ADGRL3: variants seen among roughly 807,000 people sequenced by gnomAD.
The protein encoded by ADGRL3 is adhesion G protein-coupled receptor L3.
ADGRL3 carries 62 observed loss-of-function variants against 153.5 expected under a neutral mutation model. The ratio of observed to expected loss-of-function variants is 0.40; its 90% confidence interval spans 0.33 to 0.50. The LOEUF (loss-of-function observed/expected upper bound fraction) is 0.50, where lower values mean the gene tolerates loss of function less well. Ranked by LOEUF, ADGRL3 falls within the 20% of genes least tolerant of loss-of-function variation. ADGRL3 has a pLI of 0.47. For synonymous variants in ADGRL3, 710 were observed against 672.5 expected (o/e 1.06, Z -0.86); for missense variants, 1,641 against 1,859.4 (o/e 0.88, Z 2.16).
intron 8 of ADGRL3, among the ~76,000 whole-genome samples, chr4:61,782,389 G>A (rs2152388223): frequency 6.6e-6 from 1 of 152,218 alleles, no homozygotes; most frequent in African/African-American, 2.4e-5. Context: ...CTGTAGCTTA[G>A]CAGCATTGCT....
rs774047373 is a variant in ADGRL3, at chr4:61,979,687, G to A, written c.2930G>A (p.Arg977His). 11 of 1,613,766 alleles carry A rather than the reference G, an allele frequency of 6.8e-6. No individual in the cohort carries two copies. The highest frequency in any genetic ancestry group is 4.5e-5 in the East Asian group (2 of 44,856). Residue 977 changes from arginine (R) to histidine (H), a missense_variant, in exon 18 of 27, where the codon CGT becomes CAT. Transcript: ENST00000683033. ...FCFFRGLQSD[R>H]NTIHKNLCIS... ...TTTTTCCGGGGGCTCCAGAGTGACC[G>A]TAACACCATCCACAAGAACCTCTGC...
chr4:61,918,452 G>A (rs981494823), intron 13 of ADGRL3, among the ~76,000 whole-genome samples: 21 of 152,106 alleles, frequency 1.4e-4, no homozygotes, highest in African/African-American at 4.8e-4. Flanking sequence ...ACTTAGAGTG[G>A]CATTTGAAAT....
In ADGRL3 at chr4:61,496,390, G is replaced by A. The variant is rs183538413; in HGVS notation, c.-173-731G>A. On this transcript the variant is annotated intron_variant, in intron 2 of 26. Coordinates refer to ENST00000683033, the MANE Select transcript of ADGRL3 (RefSeq NM_001387552.1). ...AATATATATGTATTTTTAGCCAGGC[G>A]CAGTGGCTCATGCCTGTAATCCCAG... is the stretch of plus-strand genomic sequence containing the variant. 3.5e-3 allele frequency among the ~76,000 whole-genome samples: 533 copies of A among 152,224 alleles called. 4 individuals carry two copies. The highest frequency in any genetic ancestry group is 0.012 in the African/African-American group (503 of 41,536).
At chr4:61,261,347 A>G (rs1254349561) in intron 1 of ADGRL3, among the ~76,000 whole-genome samples, 1 of 151,818 alleles carries the variant, frequency 6.6e-6, no homozygotes, top group Non-Finnish European at 1.5e-5. Context: ...GTATACTTTA[A>G]ATCATTTCTA....
At chr4:61,492,705 T>TA (rs1219223291) in intron 2 of ADGRL3, among the ~76,000 whole-genome samples, 1 of 152,142 alleles carries the variant, frequency 6.6e-6, no homozygotes, top group African/African-American at 2.4e-5. Context: ...GAAATTCTTT[T>TA]AGAGTATAAT....
chr4:61,311,812 T>G (rs989063108), intron 1 of ADGRL3, among the ~76,000 whole-genome samples: 1 of 152,160 alleles, frequency 6.6e-6, no homozygotes, highest in African/African-American at 2.4e-5. Context: ...AGTGGTAGAT[T>G]CACATTATTA....
At chr4:61,934,190 T>A (rs1400910573) in intron 13 of ADGRL3, among the ~76,000 whole-genome samples, 1 of 152,156 alleles carries the variant, frequency 6.6e-6, no homozygotes, top group Non-Finnish European at 1.5e-5. Flanking sequence ...CTGAGGACCA[T>A]AGGTAGTAAG....
At chr4:61,557,723 G>A (rs1320065595) in intron 4 of ADGRL3, among the ~76,000 whole-genome samples, 1 of 151,842 alleles carries the variant, frequency 6.6e-6, no homozygotes, top group Non-Finnish European at 1.5e-5. Flanking sequence ...CACAGGGTGT[G>A]CACTCTTTAG....
At chr4:61,876,908 TAAAAAA>T (rs33929278) in intron 9 of ADGRL3, among the ~76,000 whole-genome samples, 2 of 135,608 alleles carry the variant, frequency 1.5e-5, no homozygotes, top group African/African-American at 5.5e-5. Context: ...GCTTTCACTT[TAAAAAA>T]AAAAAAAAAA....
intron 5 of ADGRL3, among the ~76,000 whole-genome samples, chr4:61,611,992 C>A (rs958764561): frequency 3.9e-5 from 6 of 152,004 alleles, no homozygotes; most frequent in African/African-American, 9.7e-5. Context: ...GAATAAGCCT[C>A]ATACATTTCT....
chr4:61,218,560 C>T lies in ADGRL3; in HGVS notation c.-240+16795C>T, dbSNP rs886069217. ...CCTGGGCTGGCTTCAAACTCCTGAG[C>T]TCAAGTTACCCACCCACCTTGGCCT... On this transcript the variant is annotated intron_variant, in intron 1 of 26. Transcript: ENST00000683033. 3.3e-5 allele frequency among the ~76,000 whole-genome samples: 5 copies of T among 152,106 alleles called. No homozygotes were observed. In the East Asian group the frequency reaches 9.6e-4, roughly 29 times the overall value.
intron 3 of ADGRL3, among the ~76,000 whole-genome samples, chr4:61,502,010 G>C (rs1400960027): frequency 6.6e-6 from 1 of 152,158 alleles, no homozygotes; most frequent in African/African-American, 2.4e-5. Context: ...GTAAAGAGGA[G>C]CAGCTGAAGC....
chr4:61,965,316 AT>A (rs571962106), intron 17 of ADGRL3, among the ~76,000 whole-genome samples: 120 of 152,158 alleles, frequency 7.9e-4, no homozygotes, highest in African/African-American at 2.7e-3. Context: ...GGCCTATTTC[AT>A]TTGGCTATCT....
intron 13 of ADGRL3, among the ~76,000 whole-genome samples, chr4:61,914,220 A>G (rs2098734951): frequency 6.6e-6 from 1 of 152,108 alleles, no homozygotes; most frequent in African/African-American, 2.4e-5. Context: ...CACATTACAA[A>G]TGTTCCCTAT....
rs992457292 is a variant in ADGRL3 at position 61,291,500 on chromosome 4, T to C, written c.-240+89735T>C. Among the ~76,000 whole-genome samples the C allele has an allele frequency of 8.0e-5, 12 of 150,734 alleles. 1 individual carries two copies. The highest frequency in any genetic ancestry group is 2.9e-4 in the African/African-American group (12 of 40,774). On this transcript the variant is annotated intron_variant, in intron 1 of 26. Coordinates refer to ENST00000683033, the MANE Select transcript of ADGRL3 (RefSeq NM_001387552.1). ...AATTAAGCATTTGTGAATTCTGGTA[T>C]CCTGGAGTTGGGGGATGGTGGTCCT...
At chr4:61,841,634 A>G (rs1490199093) in intron 9 of ADGRL3, among the ~76,000 whole-genome samples, 1 of 152,246 alleles carries the variant, frequency 6.6e-6, no homozygotes, top group Non-Finnish European at 1.5e-5. Flanking sequence ...CACCTGTGAG[A>G]TCATTTAACC....
chr4:61,772,998 C>A (rs2097103935), intron 8 of ADGRL3, among the ~76,000 whole-genome samples: 1 of 152,152 alleles, frequency 6.6e-6, no homozygotes, highest in African/African-American at 2.4e-5. Flanking sequence ...TCTAAGTTTT[C>A]TTCCTAGGGA....
At chr4:61,812,386 C>T (rs1561291804) in intron 8 of ADGRL3, among the ~76,000 whole-genome samples, 1 of 152,102 alleles carries the variant, frequency 6.6e-6, no homozygotes, top group Non-Finnish European at 1.5e-5. Context: ...TGAAATGTGC[C>T]TCATAAGAGG....
At chr4:62,042,230 A>G (rs1320100093) in intron 24 of ADGRL3, among the ~76,000 whole-genome samples, 1 of 152,010 alleles carries the variant, frequency 6.6e-6, no homozygotes, top group Non-Finnish European at 1.5e-5. Flanking sequence ...GACATAAGAC[A>G]TTAAATATTA....
Sources: allele counts gnomAD v4.1 joint callset (sites outside exome capture counted in the v4.1 genomes callset), GRCh38; gene constraint gnomAD v4.1.1; transcripts MANE v1.5; gene names NCBI Gene and HGNC (gene_info 2026-07-23, HGNC 2026-07-21).